OR2M3: variants seen among roughly 807,000 people sequenced by gnomAD.
OR2M3 encodes olfactory receptor family 2 subfamily M member 3.
A neutral mutation model predicts 4.3 loss-of-function variants in OR2M3; 1 was observed. That is an observed-to-expected ratio of 0.23 (90% CI 0.08 to 1.11). The LOEUF is 1.11. Ranked by LOEUF, OR2M3 falls within the 50% of genes most tolerant of loss-of-function variation. The pLI is 0.54. For synonymous variants in OR2M3, 151 were observed against 139.4 expected, an observed-to-expected ratio of 1.08 and a Z score of -0.59; for missense variants, 410 against 390.4, an observed-to-expected ratio of 1.05 and a Z score of -0.42.
rs1282839578 is a variant in OR2M3 at position 248,204,773 on chromosome 1, TATA to T, written c.*772_*774del. The T allele has an allele frequency of 6.6e-6, 1 of 152,144 alleles. No individual in the cohort carries two copies. The highest frequency in any genetic ancestry group is 2.4e-5 in the African/African-American group (1 of 41,438). 9.4% of individuals were successfully genotyped at this position (152,144 alleles called of 1,614,324 possible). On this transcript the variant is annotated 3_prime_UTR_variant, in exon 2 of 2. Coordinates refer to ENST00000641626, the MANE Select transcript of OR2M3 (RefSeq NM_001004689.2). ...CATGCATGTGCAGGTATCTTTTTTGTATAATAACTTCTTTTCCTCTGTGTAGTT... is the reference window on the plus strand; with the variant it reads ...CATGCATGTGCAGGTATCTTTTTTGTATAACTTCTTTTCCTCTGTGTAGTT...
At chr1:248,198,916 T>A (rs1163569732) in intron 1 of OR2M3, among the ~76,000 whole-genome samples, 2 of 151,942 alleles carry the variant, frequency 1.3e-5, no homozygotes, top group Non-Finnish European at 2.9e-5. Flanking sequence ...TATGTTACTA[T>A]TGCCCTGGGT....
chr1:248,211,455 A>G lies in OR2M3; in HGVS notation c.*7449A>G, dbSNP rs940700772. ...CATTTTATTAATAATTACAGGACTT[A>G]TATTGAAATTTAGAATATAAGTAAA... On this transcript the variant is annotated 3_prime_UTR_variant, in exon 2 of 2. Coordinates refer to ENST00000641626, the MANE Select transcript of OR2M3 (RefSeq NM_001004689.2). 6.6e-6 allele frequency: 1 copy of G among 152,108 alleles called. No homozygotes were observed. The allele number at this position is 152,108 out of a possible 1,614,324, so 9.4% of individuals were successfully genotyped here.
In OR2M3 at chr1:248,204,187, T is replaced by G. The variant is rs141847047; in HGVS notation, c.*181T>G. 1,296 of 499,532 alleles carry G rather than the reference T, an allele frequency of 2.6e-3. 16 individuals carry two copies. Among genetic ancestry groups the G allele is most frequent in the African/African-American group, 0.023 (1,162 of 51,058 alleles). The allele number at this position is 499,532 out of a possible 1,614,324, so 30.9% of individuals were successfully genotyped here. The stretch of plus-strand genomic sequence containing the variant: ...ATAACTATTTATTATTTTATATTCA[T>G]TTCTGCTATGACCACAATGTAAGTC... On this transcript the variant is annotated 3_prime_UTR_variant, in exon 2 of 2. Transcript: ENST00000641626.
At position 248,204,443 on chromosome 1, in the gene OR2M3, T is replaced by C. The variant is rs1046796531; in HGVS notation, c.*437T>C. On this transcript the variant is annotated 3_prime_UTR_variant, in exon 2 of 2. Transcript: ENST00000641626. The stretch of plus-strand genomic sequence containing the variant: ...AGTCCAGTGTATCATTCTTATGACT[T>C]TTTGTCTCATAGTTTAGTTTCAACA... 6.5e-6 allele frequency: 1 copy of C among 154,580 alleles called. No individual in the cohort carries two copies. The highest frequency in any genetic ancestry group is 2.4e-5 in the African/African-American group (1 of 41,400). The allele number at this position is 154,580 out of a possible 1,614,324, so 9.6% of individuals were successfully genotyped here.
rs1342927096 is a variant in OR2M3, at chr1:248,206,943, A to AC, written c.*2938dup. The AC allele has an allele frequency of 1.3e-5, 2 of 151,774 alleles. No homozygotes were observed. Among genetic ancestry groups the AC allele is most frequent in the Non-Finnish European group, 2.9e-5 (2 of 67,842 alleles). The allele number at this position is 151,774 out of a possible 1,614,324, so 9.4% of individuals were successfully genotyped here. A position where few individuals can be genotyped will look rare whatever the true frequency, so the allele number is the denominator to read the frequency against. ...CAGCTGTGAATCTGTCTGGTCCTGGACTTTTTTTTGGCAATTTTTTTCATT... is the reference window on the plus strand; with the variant it reads ...CAGCTGTGAATCTGTCTGGTCCTGGACCTTTTTTTTGGCAATTTTTTTCATT... On this transcript the variant is annotated 3_prime_UTR_variant, in exon 2 of 2. Coordinates refer to ENST00000641626, the MANE Select transcript of OR2M3 (RefSeq NM_001004689.2).
rs1224468447 is a variant in OR2M3, at chr1:248,204,586, G to C, written c.*580G>C. On this transcript the variant is annotated 3_prime_UTR_variant, in exon 2 of 2. Transcript: ENST00000641626. ...CCATTATTTTGTATTTTTTATGACT[G>C]AGTAGTATTCCATGGTATGTGTGTA... The C allele has an allele frequency of 6.6e-6, 1 of 152,082 alleles. No individual in the cohort carries two copies. Among genetic ancestry groups the C allele is most frequent in the African/African-American group, 2.4e-5 (1 of 41,062 alleles). The allele number at this position is 152,082 out of a possible 1,614,324, so 9.4% of individuals were successfully genotyped here.
chr1:248,203,665 T>C lies in OR2M3; in HGVS notation c.598T>C (p.Phe200Leu). 6.2e-7 allele frequency: 1 copy of C among 1,613,810 alleles called. No individual in the cohort carries two copies. Among genetic ancestry groups the C allele is most frequent in the Non-Finnish European group, 8.5e-7 (1 of 1,179,818 alleles). ...SDTSIFEKIL[F>L]ICCIVMIVFP... ...CACATCAATATTTGAAAAGATTCTT[T>C]TCATCTGCTGTATAGTAATGATTGT... The change falls in exon 2 of 2, where the codon TTC (phenylalanine) becomes CTC (leucine). Residue 200 changes from phenylalanine to leucine, a missense_variant. Phe to Leu is a conservative substitution (Grantham distance 22, BLOSUM62 0). Coordinates refer to ENST00000641626, the MANE Select transcript of OR2M3 (RefSeq NM_001004689.2).
Position 248,205,347 on chromosome 1 carries a change from T to G in OR2M3, c.*1341T>G, listed in dbSNP as rs1666213650. On this transcript the variant is annotated 3_prime_UTR_variant, in exon 2 of 2. Transcript: ENST00000641626. ...TTTATTGCATTAGTTTTTGGGTTCT[T>G]GCTCATGAAACCCTTGCCTAAGCCA... 6.6e-6 allele frequency: 1 copy of G among 152,190 alleles called. No individual in the cohort carries two copies. Among genetic ancestry groups the G allele is most frequent in the Admixed American group, 6.6e-5 (1 of 15,266 alleles). The allele number at this position is 152,190 out of a possible 1,614,324, so 9.4% of individuals were successfully genotyped here. A position where few individuals can be genotyped will look rare whatever the true frequency, so the allele number is the denominator to read the frequency against.
chr1:248,203,836 T>C lies in OR2M3; in HGVS notation c.769T>C (p.Phe257Leu). The change falls in exon 2 of 2, where the codon TTC (phenylalanine) becomes CTC (leucine). Residue 257 changes from phenylalanine (F) to leucine (L), a missense_variant. Physicochemically the swap from Phe to Leu is conservative, Grantham distance 22. Coordinates refer to ENST00000641626, the MANE Select transcript of OR2M3 (RefSeq NM_001004689.2). Reference protein sequence around the residue: ...VVGMYYGAALFMYIRPTSDRS... With the variant: ...VVGMYYGAALLMYIRPTSDRS... ...GGGAATGTACTATGGAGCAGCTTTGTTCATGTACATACGGCCCACATCTGA... is the reference window on the plus strand; with the variant it reads ...GGGAATGTACTATGGAGCAGCTTTGCTCATGTACATACGGCCCACATCTGA... The C allele has an allele frequency of 6.2e-7, 1 of 1,613,632 alleles. No individual in the cohort carries two copies. The highest frequency in any genetic ancestry group is 1.3e-5 in the African/African-American group (1 of 74,966).
chr1:248,197,986 G>A (rs1015449494), intron 1 of OR2M3, among the ~76,000 whole-genome samples: 4 of 151,950 alleles, frequency 2.6e-5, no homozygotes, highest in East Asian at 1.9e-4. Flanking sequence ...TCTGCAACAC[G>A]TCTGGTCCCA....
intron 1 of OR2M3, among the ~76,000 whole-genome samples, chr1:248,198,673 A>C (rs529203055): frequency 6.6e-6 from 1 of 152,138 alleles, no homozygotes; most frequent in Non-Finnish European, 1.5e-5. Context: ...TTTCTCAACA[A>C]GATTTTCATG....
chr1:248,205,764 G>T lies in OR2M3; in HGVS notation c.*1758G>T, dbSNP rs1449306582. 1 of 151,968 alleles carries T rather than the reference G, an allele frequency of 6.6e-6. No individual in the cohort carries two copies. Among genetic ancestry groups the T allele is most frequent in the Non-Finnish European group, 1.5e-5 (1 of 67,952 alleles). 9.4% of individuals were successfully genotyped at this position (151,968 alleles called of 1,614,324 possible). A position where few individuals can be genotyped will look rare whatever the true frequency, so the allele number is the denominator to read the frequency against. ...TGTTCTTTTTGCTTATTCTTGCTAT[G>T]GCTATGCAGGACTTTTTTATTCCAT... is the stretch of plus-strand genomic sequence containing the variant. On this transcript the variant is annotated 3_prime_UTR_variant, in exon 2 of 2. Transcript: ENST00000641626.
rs564685848 is a variant in OR2M3 at position 248,210,713 on chromosome 1, C to G, written c.*6707C>G. 1 of 152,328 alleles carries G rather than the reference C, an allele frequency of 6.6e-6. No individual in the cohort carries two copies. The highest frequency in any genetic ancestry group is 2.1e-4 in the South Asian group (1 of 4,822). 9.4% of individuals were successfully genotyped at this position (152,328 alleles called of 1,614,324 possible). A position where few individuals can be genotyped will look rare whatever the true frequency, so the allele number is the denominator to read the frequency against. On this transcript the variant is annotated 3_prime_UTR_variant, in exon 2 of 2. Transcript: ENST00000641626. ...TAAGAAGGTTCTTTGTAATTCTCCC[C>G]ACCCTTGAGAGTGTACTTTGTGAGA...
Position 248,203,874 on chromosome 1 carries a change from A to G in OR2M3, c.807A>G (p.Thr269=), listed in dbSNP as rs772249976. Residue 269 remains threonine, a synonymous_variant, in exon 2 of 2, where the codon ACA becomes ACG. Transcript: ENST00000641626. ...GGCCCACATCTGATCGCTCCCCAAC[A>G]CAGGACAAGATGGTGTCTGTATTCT... ...YIRPTSDRSP[T]QDKMVSVFYT... The G allele has an allele frequency of 1.2e-5, 19 of 1,613,368 alleles. No individual in the cohort carries two copies. The highest frequency in any genetic ancestry group is 2.2e-5 in the East Asian group (1 of 44,852).
Position 248,211,554 on chromosome 1 carries a change from C to T in OR2M3, c.*7548C>T, listed in dbSNP as rs998535126. 7 of 149,748 alleles carry T rather than the reference C, an allele frequency of 4.7e-5. No homozygotes were observed. The highest frequency in any genetic ancestry group is 9.9e-5 in the African/African-American group (4 of 40,512). The allele number at this position is 149,748 out of a possible 1,614,324, so 9.3% of individuals were successfully genotyped here. ...TTTTTTTTTTTTAATTACAGAGTCT[C>T]GCTCTGGGGCCCAGGCTGGAGTGCG... On this transcript the variant is annotated 3_prime_UTR_variant, in exon 2 of 2. Coordinates refer to ENST00000641626, the MANE Select transcript of OR2M3 (RefSeq NM_001004689.2).
Position 248,203,626 on chromosome 1 carries a change from C to T in OR2M3, c.559C>T (p.Leu187Phe), listed in dbSNP as rs540802469. ...CTGTGACTTCCCCTCCCTACTAATC[C>T]TCTCATGCAGTGACACATCAATATT... ...FFCDFPSLLI[L>F]SCSDTSIFEK... Residue 187 changes from leucine to phenylalanine, a missense_variant, in exon 2 of 2, where the codon CTC (leucine) becomes TTC (phenylalanine). Physicochemically the swap from Leu to Phe is conservative, Grantham distance 22. Transcript: ENST00000641626. 1.2e-6 allele frequency: 2 copies of T among 1,613,870 alleles called. No homozygotes were observed. Among genetic ancestry groups the T allele is most frequent in the South Asian group, 1.1e-5 (1 of 91,068 alleles).
intron 1 of OR2M3, among the ~76,000 whole-genome samples, chr1:248,202,483 C>G (rs1446343517): frequency 6.6e-6 from 1 of 152,038 alleles, no homozygotes; most frequent in Non-Finnish European, 1.5e-5. Flanking sequence ...AAAAAATGGC[C>G]TAGGTTTTAG....
chr1:248,204,110 C>A lies in OR2M3; in HGVS notation c.*104C>A. 4 of 1,042,816 alleles carry A rather than the reference C, an allele frequency of 3.8e-6. No homozygotes were observed. The highest frequency in any genetic ancestry group is 3.0e-5 in the South Asian group (2 of 67,534). The allele number at this position is 1,042,816 out of a possible 1,614,324, so 64.6% of individuals were successfully genotyped here. ...AATGGGATTCATTGTGTACATAAAT[C>A]TGCAATGACATATTTATGTGCACCT... On this transcript the variant is annotated 3_prime_UTR_variant, in exon 2 of 2. Transcript: ENST00000641626.
chr1:248,198,404 A>C (rs1463416353), intron 1 of OR2M3, among the ~76,000 whole-genome samples: 1 of 152,178 alleles, frequency 6.6e-6, no homozygotes, highest in African/African-American at 2.4e-5. Flanking sequence ...TATAAATTCC[A>C]TCGTTAGTGC....
Sources: gnomAD v4.1 joint callset for allele counts (sites outside exome capture counted in the v4.1 genomes callset) on GRCh38, gnomAD v4.1.1 for gene constraint, MANE v1.5 for transcripts, NCBI Gene and HGNC (gene_info 2026-07-23, HGNC 2026-07-21) for gene names.